The following SCFD2 variants were observed in gnomAD, a reference collection of about 807,000 sequenced individuals.
SCFD2 encodes the protein sec1 family domain containing 2, also known as sec1 family domain-containing protein 2.
In SCFD2, 54 loss-of-function variants were observed where a neutral mutation model predicts 58.9. That is an observed-to-expected ratio of 0.92 (90% CI 0.74 to 1.15). The LOEUF (loss-of-function observed/expected upper bound fraction) is 1.15, where lower values mean the gene tolerates loss of function less well. Ranked by LOEUF, SCFD2 falls within the 50% of genes most tolerant of loss-of-function variation. The probability of loss-of-function intolerance (pLI) is 0.00; values close to 1 mark genes in which losing one functional copy is unlikely to be tolerated. For synonymous variants in SCFD2, 321 were observed against 335.9 expected (o/e 0.96, Z 0.49); for missense variants, 805 against 836.6 (o/e 0.96, Z 0.47).
chr4:53,240,435 G>C (rs1729858722), intron 4 of SCFD2, among the ~76,000 whole-genome samples: 1 of 152,158 alleles, frequency 6.6e-6, no homozygotes, highest in African/African-American at 2.4e-5. Context: ...TGCCCCTTTT[G>C]TTTACAGAAT....
intron 5 of SCFD2, among the ~76,000 whole-genome samples, chr4:53,092,018 AAAG>A (rs1446736663): frequency 6.6e-6 from 1 of 152,180 alleles, no homozygotes; most frequent in Non-Finnish European, 1.5e-5. Flanking sequence ...ATGTGACAGA[AAAG>A]AAGACGTCAA....
Position 53,334,110 on chromosome 4 carries a change from G to A in SCFD2, c.1007+18488C>T, listed in dbSNP as rs529135259. On this transcript the variant is annotated intron_variant, in intron 2 of 8. Transcript: ENST00000401642. ...AAAAAATCAGGAAACAACACGTGCT[G>A]GAGAGGATGTGGAGAAATAGGAACA... Among the ~76,000 whole-genome samples, 4 of 152,260 alleles carry A rather than the reference G, an allele frequency of 2.6e-5. No homozygotes were observed. In the South Asian group the frequency reaches 6.2e-4, roughly 24 times the overall value.
intron 2 of SCFD2, among the ~76,000 whole-genome samples, chr4:53,324,822 T>C (rs1733136074): frequency 6.6e-6 from 1 of 152,196 alleles, no homozygotes; most frequent in African/African-American, 2.4e-5. Flanking sequence ...GAGAGGCTCA[T>C]TCCCTGACTA....
chr4:52,951,360 A>G (rs951079764), intron 5 of SCFD2, among the ~76,000 whole-genome samples: 17 of 152,236 alleles, frequency 1.1e-4, no homozygotes, highest in African/African-American at 3.6e-4. Flanking sequence ...CTAATGCAAC[A>G]TGGTAAGGTC....
At chr4:53,169,791 G>A (rs1367990595) in intron 4 of SCFD2, among the ~76,000 whole-genome samples, 1 of 152,072 alleles carries the variant, frequency 6.6e-6, no homozygotes, top group African/African-American at 2.4e-5. Context: ...TTAGTGATTT[G>A]GGGCATGTTT....
At chr4:53,352,976 G>A (rs1424401023) in intron 1 of SCFD2, among the ~76,000 whole-genome samples, 2 of 152,184 alleles carry the variant, frequency 1.3e-5, no homozygotes, top group African/African-American at 2.4e-5. Context: ...GCTCCATGAG[G>A]GCAGAACTCA....
chr4:53,091,955 G>A (rs1724482944), intron 5 of SCFD2, among the ~76,000 whole-genome samples: 1 of 152,060 alleles, frequency 6.6e-6, no homozygotes, highest in South Asian at 2.1e-4. Flanking sequence ...AACACTTAAA[G>A]AAATATAAAT....
intron 3 of SCFD2, among the ~76,000 whole-genome samples, chr4:53,308,339 C>T (rs1732579475): frequency 6.6e-6 from 1 of 152,140 alleles, no homozygotes; most frequent in Non-Finnish European, 1.5e-5. Flanking sequence ...GTATATGTCT[C>T]TTATGAGGCA....
intron 5 of SCFD2, among the ~76,000 whole-genome samples, chr4:53,104,910 G>C (rs576872544): frequency 6.6e-6 from 1 of 152,244 alleles, no homozygotes; most frequent in Admixed American, 6.5e-5. Context: ...TGGCTGAATA[G>C]GAACAGCTCC....
chr4:53,214,960 T>G (rs1728764543), intron 4 of SCFD2, among the ~76,000 whole-genome samples: 1 of 152,176 alleles, frequency 6.6e-6, no homozygotes, highest in African/African-American at 2.4e-5. Context: ...ATCAGATAGT[T>G]GTAGATATGC....
At chr4:52,959,716 T>C (rs1283684554) in intron 5 of SCFD2, among the ~76,000 whole-genome samples, 1 of 152,162 alleles carries the variant, frequency 6.6e-6, no homozygotes, top group Non-Finnish European at 1.5e-5. Context: ...TCCGCTCATT[T>C]AAGAGGAATG....
intron 6 of SCFD2, among the ~76,000 whole-genome samples, chr4:52,908,622 G>C (rs1719406665): frequency 6.6e-6 from 1 of 152,182 alleles, no homozygotes; most frequent in Non-Finnish European, 1.5e-5. Flanking sequence ...AGGATATTTA[G>C]TGTACTGACC....
intron 7 of SCFD2, among the ~76,000 whole-genome samples, chr4:52,891,780 T>C (rs573285023): frequency 2.0e-5 from 3 of 152,388 alleles, no homozygotes; most frequent in East Asian, 1.9e-4. Context: ...CTAGAGCCTG[T>C]CGGCTATTCA....
Position 53,140,666 on chromosome 4 carries a change from T to A in SCFD2, c.1561+4667A>T, listed in dbSNP as rs533419633. 1.1e-4 allele frequency among the ~76,000 whole-genome samples: 17 copies of A among 152,172 alleles called. No homozygotes were observed. The South Asian group carries it at 3.1e-3, about 28-fold the overall frequency. On this transcript the variant is annotated intron_variant, in intron 5 of 8. Transcript: ENST00000401642. ...ATATCTAACATATTAACCAGAATAT[T>A]AATTCTCTGTTCAGAATACAAGAAC...
At chr4:52,934,323 T>A (rs1001807377) in intron 5 of SCFD2, among the ~76,000 whole-genome samples, 3 of 152,198 alleles carry the variant, frequency 2.0e-5, no homozygotes, top group Non-Finnish European at 4.4e-5. Context: ...GGTTTCACTG[T>A]GAGCTCATAA....
At chr4:52,959,927 T>TACACACACACAC (rs773748716) in intron 5 of SCFD2, among the ~76,000 whole-genome samples, 495 of 116,082 alleles carry the variant, frequency 4.3e-3, no homozygotes, top group Non-Finnish European at 5.6e-3. Context: ...CACACACACT[T>TACACACACACAC]GAATCACCTA....
intron 4 of SCFD2, among the ~76,000 whole-genome samples, chr4:53,212,346 C>G (rs1268298954): frequency 1.3e-5 from 2 of 151,924 alleles, no homozygotes; most frequent in African/African-American, 4.8e-5. Context: ...TCTCAGAGCA[C>G]CCAAAGTGAC....
At chr4:53,055,416 A>C (rs1229029597) in intron 5 of SCFD2, among the ~76,000 whole-genome samples, 1 of 152,136 alleles carries the variant, frequency 6.6e-6, no homozygotes, top group Non-Finnish European at 1.5e-5. Flanking sequence ...ATAGCATTTA[A>C]ACGTTCACAG....
chr4:53,304,295 T>G (rs749839716), intron 3 of SCFD2, among the ~76,000 whole-genome samples: 3 of 151,972 alleles, frequency 2.0e-5, no homozygotes, highest in Non-Finnish European at 2.9e-5. Context: ...GAATCTGACG[T>G]TTATGTGTCT....
Sources: allele counts gnomAD v4.1 joint callset (sites outside exome capture counted in the v4.1 genomes callset), GRCh38; gene constraint gnomAD v4.1.1; transcripts MANE v1.5; gene names NCBI Gene and HGNC (gene_info 2026-07-23, HGNC 2026-07-21).